The following STAC variants were observed in gnomAD, a reference collection of about 807,000 sequenced individuals.
The protein encoded by STAC is SH3 and cysteine rich domain.
A neutral mutation model predicts 48.8 loss-of-function variants in STAC; 43 were observed. The ratio of observed to expected loss-of-function variants is 0.88; its 90% CI spans 0.69 to 1.14. STAC has a LOEUF of 1.14. STAC is among the 50% of genes most tolerant of loss of function. The pLI is 0.00. For missense variants in STAC, 497 were observed against 504.0 expected (o/e 0.99, Z 0.13); for synonymous variants, 193 against 179.5 (o/e 1.07, Z -0.60).
intron 1 of STAC, among the ~76,000 whole-genome samples, chr3:36,390,729 T>C (rs1303268329): frequency 6.6e-6 from 1 of 152,126 alleles, no homozygotes; most frequent in Non-Finnish European, 1.5e-5. Context: ...TGGGAACATG[T>C]CCATGAATGT....
intron 3 of STAC, among the ~76,000 whole-genome samples, chr3:36,483,514 GC>G (rs1374317133): frequency 6.6e-6 from 1 of 152,140 alleles, no homozygotes; most frequent in Non-Finnish European, 1.5e-5. Context: ...CAAGAGCTAA[GC>G]CCCCACAAAA....
chr3:36,527,998 G>A (rs958716932), intron 8 of STAC, among the ~76,000 whole-genome samples: 3 of 152,060 alleles, frequency 2.0e-5, no homozygotes, highest in African/African-American at 7.2e-5. Context: ...ACCAATTCTA[G>A]ATGTCAATAC....
intron 2 of STAC, among the ~76,000 whole-genome samples, chr3:36,454,287 C>T (rs1696786214): frequency 6.6e-6 from 1 of 152,100 alleles, no homozygotes; most frequent in African/African-American, 2.4e-5. Context: ...TTGAAGCCAG[C>T]AAGACCACGA....
chr3:36,541,175 G>A (rs1699315949), intron 10 of STAC, among the ~76,000 whole-genome samples: 1 of 151,248 alleles, frequency 6.6e-6, no homozygotes, highest in African/African-American at 2.5e-5. Flanking sequence ...TTTTAATAGG[G>A]GGGAAGAAAA....
At chr3:36,420,327 A>G (rs1015626635) in intron 1 of STAC, among the ~76,000 whole-genome samples, 1 of 152,216 alleles carries the variant, frequency 6.6e-6, no homozygotes, top group African/African-American at 2.4e-5. Context: ...ATATAAAATG[A>G]GCAAATTCAC....
At chr3:36,519,147 T>C (rs978777498) in intron 8 of STAC, among the ~76,000 whole-genome samples, 3 of 152,158 alleles carry the variant, frequency 2.0e-5, no homozygotes, top group Admixed American at 6.5e-5. Flanking sequence ...ACCAGATAAT[T>C]ACTTTAAGAG....
At chr3:36,386,335 G>T (rs1157423975) in intron 1 of STAC, among the ~76,000 whole-genome samples, 4 of 151,216 alleles carry the variant, frequency 2.6e-5, no homozygotes, top group Non-Finnish European at 5.9e-5. Context: ...TTAATTTGTA[G>T]GGGTTCTTCT....
chr3:36,480,626 A>G (rs772403091), intron 2 of STAC, among the ~76,000 whole-genome samples: 1 of 152,232 alleles, frequency 6.6e-6, no homozygotes, highest in Non-Finnish European at 1.5e-5. Flanking sequence ...GAGTGAAACT[A>G]GGCAGGACCT....
intron 2 of STAC, among the ~76,000 whole-genome samples, chr3:36,464,830 AT>A (rs59830199): frequency 0.033 from 4,759 of 142,376 alleles, 219 homozygotes; most frequent in African/African-American, 0.11. Flanking sequence ...GTGTGTGTGT[AT>A]TTTTTTTTTT....
intron 1 of STAC, among the ~76,000 whole-genome samples, chr3:36,412,990 T>G (rs1003810530): frequency 2.0e-4 from 30 of 152,240 alleles, no homozygotes; most frequent in African/African-American, 7.0e-4. Flanking sequence ...CAGTTTTGAG[T>G]GAGTTTCTTA....
chr3:36,546,299 C>T lies in STAC; in HGVS notation c.*10C>T, dbSNP rs763888537. ...ACTAGAAAACATCTGATTGCTGGCT[C>T]CTCCTCCGTTTGCAGTAGGCAAGCT... On this transcript the variant is annotated 3_prime_UTR_variant, in exon 11 of 11. Coordinates refer to ENST00000273183, the MANE Select transcript of STAC (RefSeq NM_003149.3). 1 of 1,612,412 alleles carries T rather than the reference C, an allele frequency of 6.2e-7. No homozygotes were observed. Among genetic ancestry groups the T allele is most frequent in the South Asian group, 1.1e-5 (1 of 91,054 alleles).
At chr3:36,517,658 T>G (rs918098367) in intron 8 of STAC, among the ~76,000 whole-genome samples, 2 of 152,114 alleles carry the variant, frequency 1.3e-5, no homozygotes, top group Admixed American at 1.3e-4. Context: ...TATCTATCTA[T>G]CTATCTATCT....
chr3:36,541,927 G>A (rs1699336868), intron 10 of STAC, among the ~76,000 whole-genome samples: 1 of 152,120 alleles, frequency 6.6e-6, no homozygotes, highest in East Asian at 1.9e-4. Context: ...GGCTGGTCAG[G>A]TCAGGATTTA....
intron 1 of STAC, among the ~76,000 whole-genome samples, chr3:36,394,011 G>A (rs983128461): frequency 6.6e-6 from 1 of 152,032 alleles, no homozygotes; most frequent in Admixed American, 6.6e-5. Flanking sequence ...AGCCTCAGAG[G>A]TGGAACAGGC....
Position 36,417,819 on chromosome 3 carries a change from C to T in STAC, c.112-25545C>T, listed in dbSNP as rs1700354443. Among the ~76,000 whole-genome samples the T allele has an allele frequency of 2.0e-5, 3 of 152,144 alleles. No individual in the cohort carries two copies. In the South Asian group the frequency reaches 6.2e-4, roughly 32 times the overall value. On this transcript the variant is annotated intron_variant, in intron 1 of 10. Coordinates refer to ENST00000273183, the MANE Select transcript of STAC (RefSeq NM_003149.3). ...TTGGAGAAACTTGCCCATAAAAAAC[C>T]AGTCCAGCCATTCCTTTGCAGATAA...
chr3:36,415,517 G>A (rs764573640), intron 1 of STAC, among the ~76,000 whole-genome samples: 1 of 152,228 alleles, frequency 6.6e-6, no homozygotes, highest in Non-Finnish European at 1.5e-5. Context: ...TGGGGTGGGA[G>A]TGACCCAGTT....
intron 2 of STAC, among the ~76,000 whole-genome samples, chr3:36,463,843 T>C (rs1697089520): frequency 6.6e-6 from 1 of 152,174 alleles, no homozygotes; most frequent in African/African-American, 2.4e-5. Flanking sequence ...ACAAAGGACA[T>C]GAACTCATCC....
At chr3:36,503,584 C>T (rs1441347774) in intron 6 of STAC, among the ~76,000 whole-genome samples, 1 of 152,138 alleles carries the variant, frequency 6.6e-6, no homozygotes, top group African/African-American at 2.4e-5. Flanking sequence ...CAGGCACATG[C>T]CACCATGCTC....
chr3:36,531,730 G>A (rs531463881), intron 10 of STAC, among the ~76,000 whole-genome samples: 121 of 152,276 alleles, frequency 7.9e-4, no homozygotes, highest in Middle Eastern at 3.4e-3. Context: ...CCTCCCAGAA[G>A]GAACAAGAGA....
Sources: gnomAD v4.1 joint callset for allele counts (sites outside exome capture counted in the v4.1 genomes callset) on GRCh38, gnomAD v4.1.1 for gene constraint, MANE v1.5 for transcripts, NCBI Gene and HGNC (gene_info 2026-07-23, HGNC 2026-07-21) for gene names.